The following SEMA6D variants were observed in gnomAD, a reference collection of about 807,000 sequenced individuals.
The protein encoded by SEMA6D is semaphorin 6D.
In SEMA6D, 35 loss-of-function variants were observed where a neutral mutation model predicts 106.6. The ratio of observed to expected loss-of-function variants is 0.33; its 90% CI spans 0.25 to 0.44. SEMA6D has a LOEUF of 0.44. Among genes scored for constraint, SEMA6D ranks in the 20% least tolerant of loss-of-function variants. The pLI, the probability that SEMA6D is intolerant of heterozygous loss-of-function variation, is 1.00. For missense variants in SEMA6D, 1,185 were observed against 1,345.9 expected (o/e 0.88, Z 1.87); for synonymous variants, 499 against 487.7 (o/e 1.02, Z -0.31).
chr15:47,771,029 G>A lies in SEMA6D; in HGVS notation c.2466G>A (p.Gly822=), dbSNP rs202175641. Residue 822 remains glycine, a synonymous_variant, in exon 19 of 19, where the codon GGG becomes GGA. Transcript: ENST00000536845. ...CACCTCATTCCCCATTAAGTCATGG[G>A]CATATCCCCAGTGCCATTGTTCTTC... ...SPPPHSPLSH[G]HIPSAIVLPN... 126 of 1,614,118 alleles carry A rather than the reference G, an allele frequency of 7.8e-5. 1 individual carries two copies. The Admixed American group carries it at 2.1e-3, about 26-fold the overall frequency.
rs558755131 is a variant in SEMA6D, at chr15:47,660,033, A to AT, written c.-55+59147dup. 3.7e-4 allele frequency among the ~76,000 whole-genome samples: 55 copies of AT among 148,576 alleles called. 1 individual carries two copies. Among genetic ancestry groups the AT allele is most frequent in the African/African-American group, 8.1e-4 (33 of 40,704 alleles). On this transcript the variant is annotated intron_variant, in intron 4 of 19. Coordinates refer to the SEMA6D transcript ENST00000558014. ...TCATTGTTTAATCTCATAGGACTCC[A>AT]TTTTTTTTTTGTATTATAGACTCCA...
intron 4 of SEMA6D, among the ~76,000 whole-genome samples, chr15:47,673,362 T>C (rs2078174883): frequency 6.7e-6 from 1 of 150,216 alleles, no homozygotes; most frequent in Non-Finnish European, 1.5e-5. Flanking sequence ...TTCACAAACC[T>C]CAGCTGAAAT....
chr15:47,673,265 T>A (rs1217610318), intron 4 of SEMA6D, among the ~76,000 whole-genome samples: 2 of 152,224 alleles, frequency 1.3e-5, no homozygotes, highest in Admixed American at 1.3e-4. Flanking sequence ...CTTTTCTTCT[T>A]TCTGAAATAA....
At chr15:47,449,568 C>T (rs1443773625) in intron 2 of SEMA6D, among the ~76,000 whole-genome samples, 1 of 151,924 alleles carries the variant, frequency 6.6e-6, no homozygotes, top group Non-Finnish European at 1.5e-5. Context: ...ATGGGGCTGA[C>T]ATATGAGCAA....
chr15:47,757,537 G>C (rs1257160380), intron 1 of SEMA6D, among the ~76,000 whole-genome samples: 1 of 152,184 alleles, frequency 6.6e-6, no homozygotes, highest in Non-Finnish European at 1.5e-5. Context: ...CAGCACAATG[G>C]AAACCATGTA....
At chr15:47,418,372 AAAC>A (rs1345044479) in intron 2 of SEMA6D, among the ~76,000 whole-genome samples, 1 of 152,088 alleles carries the variant, frequency 6.6e-6, no homozygotes, top group Non-Finnish European at 1.5e-5. Context: ...GGTGGCTTAT[AAAC>A]AACAGAAATT....
chr15:47,271,742 A>G (rs2034570938), intron 1 of SEMA6D, among the ~76,000 whole-genome samples: 1 of 152,150 alleles, frequency 6.6e-6, no homozygotes, highest in African/African-American at 2.4e-5. Flanking sequence ...AAAAGAGAAA[A>G]TATTAATATA....
intron 4 of SEMA6D, among the ~76,000 whole-genome samples, chr15:47,671,812 T>C (rs1248880994): frequency 6.6e-6 from 1 of 152,062 alleles, no homozygotes; most frequent in East Asian, 1.9e-4. Flanking sequence ...AAGATCAATA[T>C]AAGGGCCAGC....
At chr15:47,552,525 T>TACACACACAC (rs144968308) in intron 3 of SEMA6D, among the ~76,000 whole-genome samples, 1 of 130,066 alleles carries the variant, frequency 7.7e-6, no homozygotes. Flanking sequence ...TATATATGTA[T>TACACACACAC]ACACACACAC....
chr15:47,415,228 A>G (rs1449639973), intron 2 of SEMA6D, among the ~76,000 whole-genome samples: 2 of 152,170 alleles, frequency 1.3e-5, no homozygotes, highest in East Asian at 1.9e-4. Context: ...ACAAAATGCA[A>G]TCATTATAAC....
At chr15:47,651,041 G>C (rs551036023) in intron 4 of SEMA6D, among the ~76,000 whole-genome samples, 7 of 152,248 alleles carry the variant, frequency 4.6e-5, no homozygotes, top group African/African-American at 1.4e-4. Context: ...TTCAGACAGA[G>C]CTTTACCTTA....
At chr15:47,247,824 C>T (rs914247536) in intron 1 of SEMA6D, among the ~76,000 whole-genome samples, 3 of 152,076 alleles carry the variant, frequency 2.0e-5, no homozygotes, top group Admixed American at 6.5e-5. Flanking sequence ...ATTATCAGAC[C>T]GTGTGGGGTC....
At chr15:47,724,622 C>T (rs1477440513) in intron 1 of SEMA6D, among the ~76,000 whole-genome samples, 1 of 150,982 alleles carries the variant, frequency 6.6e-6, no homozygotes, top group Non-Finnish European at 1.5e-5. Context: ...TAGAGAACAG[C>T]TTAGGCAAAA....
intron 2 of SEMA6D, among the ~76,000 whole-genome samples, chr15:47,456,889 G>A (rs2140989797): frequency 6.6e-6 from 1 of 152,094 alleles, no homozygotes; most frequent in South Asian, 2.1e-4. Flanking sequence ...GCTGCACAGA[G>A]AGAACGCTTT....
At chr15:47,533,244 G>A (rs2045035961) in intron 3 of SEMA6D, among the ~76,000 whole-genome samples, 1 of 152,108 alleles carries the variant, frequency 6.6e-6, no homozygotes, top group Admixed American at 6.6e-5. Flanking sequence ...CAAAAAGAAA[G>A]CATGAATCTA....
chr15:47,414,140 T>C (rs944530788), intron 2 of SEMA6D, among the ~76,000 whole-genome samples: 1 of 152,348 alleles, frequency 6.6e-6, no homozygotes, highest in East Asian at 1.9e-4. Flanking sequence ...AGTGATGATA[T>C]AACTTCACAC....
At chr15:47,722,073 G>A (rs765376779) in intron 1 of SEMA6D, among the ~76,000 whole-genome samples, 4 of 152,120 alleles carry the variant, frequency 2.6e-5, no homozygotes, top group Non-Finnish European at 5.9e-5. Context: ...ACCTGTCCCA[G>A]GCCCCTCATC....
Position 47,761,178 on chromosome 15 carries a change from A to T in SEMA6D, c.303A>T (p.Arg101Ser). 1 of 1,613,854 alleles carries T rather than the reference A, an allele frequency of 6.2e-7. No homozygotes were observed. The highest frequency in any genetic ancestry group is 8.5e-7 in the Non-Finnish European group (1 of 1,179,842). Residue 101 changes from arginine (R) to serine (S), a missense_variant, in exon 5 of 19, where the codon AGA (arginine) becomes AGT (serine). Around this residue, in one of 3 missense-constraint regions of SEMA6D, gnomAD observed 144 missense variants for 138.6 expected, o/e 1.04. Coordinates refer to ENST00000536845, the MANE Select transcript of SEMA6D (RefSeq NM_001358351.3). ...TACAGAAACTGACATGGCGATCAAG[A>T]CAACAGGATCGAGAAAACTGTGCTA... is the stretch of plus-strand genomic sequence containing the variant. ...IPNKKLTWRS[R>S]QQDRENCAMK...
intron 1 of SEMA6D, among the ~76,000 whole-genome samples, chr15:47,361,623 C>A (rs940522558): frequency 3.3e-5 from 5 of 152,158 alleles, no homozygotes; most frequent in Non-Finnish European, 7.3e-5. Flanking sequence ...CTGTTGCAGT[C>A]CCAATGTGCT....
Sources: gnomAD v4.1 joint callset for allele counts (sites outside exome capture counted in the v4.1 genomes callset) on GRCh38, gnomAD v4.1.1 for gene constraint, gnomAD v4.1.1 regional missense constraint, MANE v1.5 for transcripts, NCBI Gene and HGNC (gene_info 2026-07-23, HGNC 2026-07-21) for gene names.